The following MCC variants were observed in gnomAD, a reference collection of about 807,000 sequenced individuals.
MCC encodes MCC regulator of Wnt signaling pathway.
Under a neutral mutation model 116.2 loss-of-function variants are expected in MCC, and 90 were observed. That is an observed-to-expected ratio of 0.77 (90% CI 0.65 to 0.92). The LOEUF is 0.92. Ranked by LOEUF, MCC falls within the 40% of genes least tolerant of loss-of-function variation. MCC has a pLI of 0.00. For missense variants in MCC, 1,516 were observed against 1,312.2 expected, an observed-to-expected ratio of 1.16 and a Z score of -2.40; for synonymous variants, 578 against 510.5, an observed-to-expected ratio of 1.13 and a Z score of -1.78.
At position 113,208,446 on chromosome 5, in the gene MCC, T is replaced by C. The variant is rs145572766; in HGVS notation, c.628-57024A>G. On this transcript the variant is annotated intron_variant, in intron 3 of 18. Transcript: ENST00000408903. Reference sequence around the variant, plus strand: ...GTGTGCAGCTGGACTCCTGGAAGGCTCTCCCTGCCTTGGGATGCTGCCCCG... The same window carrying C: ...GTGTGCAGCTGGACTCCTGGAAGGCCCTCCCTGCCTTGGGATGCTGCCCCG... Among the ~76,000 whole-genome samples the C allele has an allele frequency of 3.3e-3, 500 of 152,184 alleles. 3 individuals carry two copies. Among genetic ancestry groups the C allele is most frequent in the African/African-American group, 0.012 (485 of 41,534 alleles).
At chr5:113,318,836 TA>T (rs1288154258) in intron 3 of MCC, among the ~76,000 whole-genome samples, 6 of 152,108 alleles carry the variant, frequency 3.9e-5, no homozygotes, top group South Asian at 2.1e-4. Context: ...AAATAAAAGT[TA>T]AAAAAAATGA....
chr5:113,325,673 T>C (rs1015178271), intron 3 of MCC, among the ~76,000 whole-genome samples: 1 of 152,150 alleles, frequency 6.6e-6, no homozygotes, highest in Admixed American at 6.5e-5. Flanking sequence ...TTGTAGCATA[T>C]GGTGCCATTC....
intron 3 of MCC, among the ~76,000 whole-genome samples, chr5:113,185,042 A>G (rs1489599885): frequency 6.6e-6 from 1 of 152,210 alleles, no homozygotes; most frequent in Non-Finnish European, 1.5e-5. Context: ...AAGCTGGGGA[A>G]ATCCTGAAGG....
intron 3 of MCC, among the ~76,000 whole-genome samples, chr5:113,210,864 T>C (rs114520773): frequency 0.018 from 2,790 of 152,308 alleles, 53 homozygotes; most frequent in Non-Finnish European, 0.024. Context: ...ACTCCAAAGA[T>C]GTTCTGCTGT....
chr5:113,133,422 A>G (rs958314989), intron 5 of MCC, among the ~76,000 whole-genome samples: 2 of 151,912 alleles, frequency 1.3e-5, no homozygotes, highest in African/African-American at 2.4e-5. Context: ...TTTTTCATGT[A>G]ACATAGCAAC....
At chr5:113,446,552 C>T (rs1267428656) in intron 1 of MCC, among the ~76,000 whole-genome samples, 1 of 152,208 alleles carries the variant, frequency 6.6e-6, no homozygotes, top group Non-Finnish European at 1.5e-5. Flanking sequence ...GAGATACCAT[C>T]TCACACCAGT....
chr5:113,060,082 G>C (rs927641266), intron 14 of MCC, among the ~76,000 whole-genome samples: 1 of 152,182 alleles, frequency 6.6e-6, no homozygotes, highest in African/African-American at 2.4e-5. Context: ...ACATTTTCCT[G>C]AAGTTTTCAT....
rs1375209828 is a variant in MCC, at chr5:113,053,962, G to A, written c.2214-3C>T. 4 of 1,605,278 alleles carry A rather than the reference G, an allele frequency of 2.5e-6. No individual in the cohort carries two copies. The highest frequency in any genetic ancestry group is 1.7e-5 in the Admixed American group (1 of 59,738). On this transcript the variant is annotated splice_region_variant and splice_polypyrimidine_tract_variant and intron_variant, in intron 14 of 18. Transcript: ENST00000408903. ...TACTGGCTGTGGAGCTGGTTGTGCT[G>A]AGAAAGAAGAAAAACAAAGACCCAC...
At chr5:113,481,258 T>C (rs916669302) in intron 1 of MCC, among the ~76,000 whole-genome samples, 8 of 152,186 alleles carry the variant, frequency 5.3e-5, no homozygotes, top group East Asian at 1.9e-4. Flanking sequence ...TCAGGAAGAA[T>C]TTTAAAATTC....
In MCC at chr5:113,082,922, G is replaced by A. The variant is rs747470968; in HGVS notation, c.1722C>T (p.His574=). The A allele has an allele frequency of 3.7e-5, 60 of 1,614,062 alleles. No individual in the cohort carries two copies. The Admixed American group carries it at 5.0e-4, about 13-fold the overall frequency. The change falls in exon 11 of 19, where the codon CAC becomes CAT. Residue 574 remains histidine, a synonymous_variant. Coordinates refer to ENST00000408903, the MANE Select transcript of MCC (RefSeq NM_001085377.2). ...IQEIFQTLYS[H]GSAISESKIR... is the part of the protein sequence containing the mutation. ...TCTTGCTTTCTGAGATGGCAGATCC[G>A]TGTGAGTAGAGTGTTTGGAAAATCT...
At chr5:113,442,943 G>T (rs1306051403) in intron 1 of MCC, among the ~76,000 whole-genome samples, 1 of 152,172 alleles carries the variant, frequency 6.6e-6, no homozygotes, top group Non-Finnish European at 1.5e-5. Flanking sequence ...GATGCCTCCA[G>T]CTTTGTTCTT....
intron 3 of MCC, among the ~76,000 whole-genome samples, chr5:113,310,025 T>C (rs953594129): frequency 6.6e-6 from 1 of 152,020 alleles, no homozygotes; most frequent in African/African-American, 2.4e-5. Context: ...AATACTTGGC[T>C]TATTTTCCCA....
At chr5:113,468,639 T>G (rs1002417410) in intron 1 of MCC, among the ~76,000 whole-genome samples, 1 of 152,200 alleles carries the variant, frequency 6.6e-6, no homozygotes, top group Non-Finnish European at 1.5e-5. Flanking sequence ...TGGTCTAAAA[T>G]TCTCTTTTTT....
intron 8 of MCC, among the ~76,000 whole-genome samples, chr5:113,088,608 C>T (rs767515089): frequency 6.6e-6 from 1 of 151,870 alleles, no homozygotes; most frequent in Non-Finnish European, 1.5e-5. Context: ...CAGAGAGACA[C>T]AGGGAAGAAG....
At chr5:113,268,499 A>G (rs967653817) in intron 3 of MCC, among the ~76,000 whole-genome samples, 2 of 152,186 alleles carry the variant, frequency 1.3e-5, no homozygotes, top group African/African-American at 4.8e-5. Flanking sequence ...TACTTAGACA[A>G]CAAGAAAAAT....
intron 3 of MCC, among the ~76,000 whole-genome samples, chr5:113,272,081 T>C (rs373929500): frequency 1.4e-4 from 22 of 152,200 alleles, no homozygotes; most frequent in African/African-American, 4.1e-4. Flanking sequence ...AAATTGGAGA[T>C]TGTTTAGCTT....
At chr5:113,167,205 T>C (rs1442192382) in intron 3 of MCC, among the ~76,000 whole-genome samples, 2 of 152,224 alleles carry the variant, frequency 1.3e-5, no homozygotes, top group East Asian at 3.8e-4. Flanking sequence ...TTTCTTTTCA[T>C]GTGGCAAAGA....
chr5:113,347,308 CAGAG>C (rs940927348), intron 2 of MCC, among the ~76,000 whole-genome samples: 4 of 151,728 alleles, frequency 2.6e-5, no homozygotes, highest in African/African-American at 4.8e-5. Context: ...TAAAATGAGA[CAGAG>C]AGAAAGAACA....
At chr5:113,063,193 T>C (rs1356030522) in intron 14 of MCC, among the ~76,000 whole-genome samples, 2 of 152,186 alleles carry the variant, frequency 1.3e-5, no homozygotes, top group East Asian at 3.8e-4. Context: ...CAAAGTGTCT[T>C]CTAAACTGAG....
Sources: gnomAD v4.1 joint callset for allele counts (sites outside exome capture counted in the v4.1 genomes callset) on GRCh38, gnomAD v4.1.1 for gene constraint, MANE v1.5 for transcripts, NCBI Gene and HGNC (gene_info 2026-07-23, HGNC 2026-07-21) for gene names.